The following ABCA6 variants were observed in gnomAD, a reference collection of about 807,000 sequenced individuals.
The protein encoded by ABCA6 is ATP binding cassette subfamily A member 6, also known as ATP-binding cassette sub-family A member 6.
A neutral mutation model predicts 191.2 loss-of-function variants in ABCA6; 164 were observed. The ratio of observed to expected loss-of-function variants is 0.86; its 90% CI spans 0.76 to 0.98. The LOEUF (loss-of-function observed/expected upper bound fraction) is 0.98, where lower values mean the gene tolerates loss of function less well. ABCA6 is among the 50% of genes least tolerant of loss of function. ABCA6 has a pLI of 0.00. For missense variants in ABCA6, 1,958 were observed against 1,894.1 expected, an observed-to-expected ratio of 1.03 and a Z score of -0.63; for synonymous variants, 636 against 647.7, an observed-to-expected ratio of 0.98 and a Z score of 0.27.
Position 69,136,155 on chromosome 17 carries a change from A to T in ABCA6, c.397T>A (p.Phe133Ile). ...YAMGIIFNET[F>I]SYKLIFFQGY... ...TGGAAAAATATTAACTTATAAGAGA[A>T]AGTTTCATTAAAGATGATTCCCATA... The change falls in exon 4 of 39, where the codon TTC (phenylalanine) becomes ATC (isoleucine). Residue 133 changes from phenylalanine to isoleucine, a missense_variant. By Grantham distance (21) the Phe-to-Ile change is conservative (BLOSUM62 0). Transcript: ENST00000284425. 1 of 1,607,040 alleles carries T rather than the reference A, an allele frequency of 6.2e-7. No homozygotes were observed. The highest frequency in any genetic ancestry group is 8.5e-7 in the Non-Finnish European group (1 of 1,175,996).
Position 69,129,966 on chromosome 17 carries a change from A to G in ABCA6, c.792-215T>C, listed in dbSNP as rs16973624. Among the ~76,000 whole-genome samples, 392 of 152,182 alleles carry G rather than the reference A, an allele frequency of 2.6e-3. 1 individual carries two copies. Among genetic ancestry groups the G allele is most frequent in the African/African-American group, 9.2e-3 (382 of 41,542 alleles). Reference sequence around the variant, plus strand: ...GCCATTCATCTTCGTTACCTTTACCATATATGCATACAGAGATGATAGATG... The same window carrying G: ...GCCATTCATCTTCGTTACCTTTACCGTATATGCATACAGAGATGATAGATG... On this transcript the variant is annotated intron_variant, in intron 6 of 38. Transcript: ENST00000284425.
chr17:69,131,104 G>T (rs1284647550), intron 6 of ABCA6, among the ~76,000 whole-genome samples: 1 of 152,030 alleles, frequency 6.6e-6, no homozygotes, highest in Non-Finnish European at 1.5e-5. Flanking sequence ...TTTGTTAAGG[G>T]GTTTATCCAC....
chr17:69,122,724 G>A (rs897273857), intron 10 of ABCA6, among the ~76,000 whole-genome samples: 1 of 151,932 alleles, frequency 6.6e-6, no homozygotes, highest in African/African-American at 2.4e-5. Flanking sequence ...AAGAGAAAGA[G>A]GCAGAAAGGG....
At position 69,106,254 on chromosome 17, in the gene ABCA6, A is replaced by T. The variant is rs1266156949; in HGVS notation, c.2390-43T>A. The T allele has an allele frequency of 2.6e-6, 4 of 1,543,532 alleles. No homozygotes were observed. The South Asian group carries it at 5.0e-5, about 19-fold the overall frequency. On this transcript the variant is annotated intron_variant, in intron 18 of 38. Transcript: ENST00000284425. ...CACAAACACACATATTATAATATTA[A>T]TGCCATCCTGGAGGCATCACAGATT...
At chr17:69,123,034 G>T in intron 10 of ABCA6, among the ~76,000 whole-genome samples, 1 of 119,740 alleles carries the variant, frequency 8.4e-6, no homozygotes, top group South Asian at 3.3e-4. Context: ...GAGGGGGGAG[G>T]GATAGCATTA....
At chr17:69,100,719 A>G (rs1354939048) in intron 22 of ABCA6, 78 bp downstream of exon 22, 3 of 1,386,536 alleles carry the variant, frequency 2.2e-6, no homozygotes, top group Non-Finnish European at 2.9e-6. Flanking sequence ...ACTTATGGAT[A>G]TTTAAAAGCT....
At chr17:69,129,558 C>T (rs1207076598) in intron 7 of ABCA6, 52 bp downstream of exon 7, 16 of 1,432,670 alleles carry the variant, frequency 1.1e-5, no homozygotes, top group Non-Finnish European at 1.4e-5. Flanking sequence ...ATATTAGCTA[C>T]ATATAGCTAA....
At chr17:69,081,294 T>C in intron 36 of ABCA6, 149 bp from the exon 37 acceptor site, 1 of 539,760 alleles carries the variant, frequency 1.9e-6, no homozygotes, top group East Asian at 3.0e-5. Context: ...CACAGCATTG[T>C]TTTGAATTGC....
Position 69,085,024 on chromosome 17 carries a change from G to C in ABCA6, c.4184+4C>G, listed in dbSNP as rs1255503764. The C allele has an allele frequency of 6.2e-7, 1 of 1,608,160 alleles. No individual in the cohort carries two copies. Among genetic ancestry groups the C allele is most frequent in the African/African-American group, 1.3e-5 (1 of 74,524 alleles). On this transcript the variant is annotated splice_donor_region_variant and intron_variant, in intron 32 of 38. Transcript: ENST00000284425. ...CACAAAGGAATCGCAGGTCCCGTCT[G>C]TACCTTGCGATGGCGAGCCTCGCGT... is the stretch of plus-strand genomic sequence containing the variant.
At chr17:69,093,917 G>A (rs960302761) in intron 25 of ABCA6, among the ~76,000 whole-genome samples, 2 of 152,046 alleles carry the variant, frequency 1.3e-5, no homozygotes, top group African/African-American at 4.8e-5. Context: ...ATTACACTGC[G>A]GTGTAATTTT....
At chr17:69,087,241 C>G in intron 29 of ABCA6, 112 bp downstream of exon 29, 2 of 1,397,100 alleles carry the variant, frequency 1.4e-6, no homozygotes, top group Non-Finnish European at 2.0e-6. Flanking sequence ...ACGCATAATA[C>G]AGAAATGCAC....
Position 69,108,030 on chromosome 17 carries a change from T to C in ABCA6, c.2273-218A>G, listed in dbSNP as rs1182664279. On this transcript the variant is annotated intron_variant, in intron 17 of 38. Transcript: ENST00000284425. Reference sequence around the variant, plus strand: ...TCCATCCTCAAACTGTCTCACTTCATCTTCCATTCTCAGTTTATGAGCTTC... The same window carrying C: ...TCCATCCTCAAACTGTCTCACTTCACCTTCCATTCTCAGTTTATGAGCTTC... 1.3e-5 allele frequency: 6 copies of C among 461,172 alleles called. No homozygotes were observed. The East Asian group carries it at 2.2e-4, about 17-fold the overall frequency. 28.6% of individuals were successfully genotyped at this position (461,172 alleles called of 1,614,324 possible). A position where few individuals can be genotyped will look rare whatever the true frequency, so the allele number is the denominator to read the frequency against.
At position 69,096,331 on chromosome 17, in the gene ABCA6, G is replaced by T. The variant is rs780212090; in HGVS notation, c.3317C>A (p.Ala1106Glu). Residue 1106 changes from alanine to glutamate, a missense_variant, in exon 25 of 39, where the codon GCA (alanine) becomes GAA (glutamate). Coordinates refer to ENST00000284425, the MANE Select transcript of ABCA6 (RefSeq NM_080284.3). ...ATATATGAAGAAGACAAGAGAAGCT[G>T]CATAACCAGGAGTAACTATAACCTG... Reference protein sequence around the residue: ...FALVIVTPGYAASLVFFIYMI... With the variant: ...FALVIVTPGYEASLVFFIYMI... 2.7e-6 allele frequency: 4 copies of T among 1,498,032 alleles called. No individual in the cohort carries two copies. The highest frequency in any genetic ancestry group is 1.8e-4 in the Middle Eastern group (1 of 5,686). 92.8% of individuals were successfully genotyped at this position (1,498,032 alleles called of 1,614,324 possible). A position where few individuals can be genotyped will look rare whatever the true frequency, so the allele number is the denominator to read the frequency against.
intron 6 of ABCA6, 35 bp from the exon 7 acceptor site, chr17:69,129,786 A>C (rs2073829991): frequency 6.8e-7 from 1 of 1,474,642 alleles, no homozygotes; most frequent in African/African-American, 1.4e-5. Context: ...AAATTATGTT[A>C]ACTTATTTAC....
rs550817483 is a variant in ABCA6, at chr17:69,139,732, T to C, written c.96+876A>G. Among the ~76,000 whole-genome samples the C allele has an allele frequency of 3.9e-5, 6 of 152,038 alleles. No homozygotes were observed. The South Asian group carries it at 1.2e-3, about 32-fold the overall frequency. On this transcript the variant is annotated intron_variant, in intron 2 of 38. Coordinates refer to ENST00000284425, the MANE Select transcript of ABCA6 (RefSeq NM_080284.3). ...ACAATGATAGACTGGATTAAGAAAATGTGACACATATACACCATGGAATAC... is the reference window on the plus strand; with the variant it reads ...ACAATGATAGACTGGATTAAGAAAACGTGACACATATACACCATGGAATAC...
At chr17:69,105,313 T>C (rs1265240619) in intron 20 of ABCA6, 149 bp downstream of exon 20, 4 of 758,262 alleles carry the variant, frequency 5.3e-6, no homozygotes, top group South Asian at 2.0e-5. Flanking sequence ...TCAGAGTAAA[T>C]CTGCACTGTT....
At position 69,097,999 on chromosome 17, in the gene ABCA6, G is replaced by A. The variant is rs977492722; in HGVS notation, c.3041C>T (p.Pro1014Leu). 41 of 1,611,318 alleles carry A rather than the reference G, an allele frequency of 2.5e-5. No individual in the cohort carries two copies. Among genetic ancestry groups the A allele is most frequent in the Non-Finnish European group, 3.1e-5 (37 of 1,179,032 alleles). The change falls in exon 23 of 39, where the codon CCG becomes CTG. Residue 1014 changes from proline to leucine, a missense_variant. Physicochemically the swap from Pro to Leu is moderately conservative, Grantham distance 98. Transcript: ENST00000284425. ...LSHIGLWTGL[P>L]DGSFFLFLVL... ...CAAAAATAAGAAAAAGGAACCATCCGGCAACCCAGTCCAGAGTCCTATGTG... is the reference window on the plus strand; with the variant it reads ...CAAAAATAAGAAAAAGGAACCATCCAGCAACCCAGTCCAGAGTCCTATGTG...
chr17:69,091,335 C>G, intron 25 of ABCA6, 73 bp from the exon 26 acceptor site: 2 of 1,504,478 alleles, frequency 1.3e-6, no homozygotes, highest in Non-Finnish European at 1.8e-6. Flanking sequence ...ATTTAAGATG[C>G]AGGTGTTCTC....
chr17:69,088,084 C>G, intron 28 of ABCA6, 83 bp downstream of exon 28: 1 of 1,179,272 alleles, frequency 8.5e-7, no homozygotes, highest in Admixed American at 2.5e-5. Context: ...AAATGTAAAT[C>G]TGTATTAACA....
Sources: gnomAD v4.1 joint callset for allele counts (sites outside exome capture counted in the v4.1 genomes callset) on GRCh38, gnomAD v4.1.1 for gene constraint, MANE v1.5 for transcripts, NCBI Gene and HGNC (gene_info 2026-07-23, HGNC 2026-07-21) for gene names.